USP14: variants seen among roughly 807,000 people sequenced by gnomAD.
USP14 encodes the protein ubiquitin specific peptidase 14.
USP14 carries 38 observed loss-of-function variants against 76.5 expected under a neutral mutation model. The observed-to-expected ratio is 0.50, with a 90% CI of 0.38 to 0.65. The LOEUF is 0.65. Ranked by LOEUF, USP14 falls within the 30% of genes least tolerant of loss-of-function variation. USP14 has a pLI of 0.00. For missense variants in USP14, 467 were observed against 586.5 expected (o/e 0.80, Z 2.10); for synonymous variants, 192 against 191.7 (o/e 1.00, Z -0.01).
intron 5 of USP14, among the ~76,000 whole-genome samples, chr18:185,860 A>AT (rs34807173): frequency 0.034 from 4,253 of 125,034 alleles, 229 homozygotes; most frequent in African/African-American, 0.11. Flanking sequence ...TGCCCAGCTG[A>AT]TTTTTTTTTT....
intron 3 of USP14, among the ~76,000 whole-genome samples, chr18:169,437 G>A (rs888399325): frequency 4.0e-5 from 6 of 150,002 alleles, no homozygotes; most frequent in Admixed American, 2.7e-4. Flanking sequence ...ATGAAAGACC[G>A]TTACATTTTG....
rs1910433881 is a variant in USP14 at position 203,328 on chromosome 18, ATTC to A, written c.1035+141_1035+143del. The A allele has an allele frequency of 5.2e-6, 4 of 765,224 alleles. No individual in the cohort carries two copies. The East Asian group carries it at 1.1e-4, about 21-fold the overall frequency. 47.4% of individuals were successfully genotyped at this position (765,224 alleles called of 1,614,324 possible). On this transcript the variant is annotated intron_variant, in intron 12 of 15. Transcript: ENST00000261601. ...TAGGGGAGCTAATATTAGACAAGTG[ATTC>A]TTAACTCAGAACGTATATTAGAATT...
chr18:158,709 A>G lies in USP14; in HGVS notation c.11A>G (p.Tyr4Cys), dbSNP rs1438276812. Residue 4 changes from tyrosine to cysteine, a missense_variant, in exon 1 of 16, where the codon TAC becomes TGC. By Grantham distance (194) the Tyr-to-Cys change is radical. Transcript: ENST00000261601. The part of the protein sequence containing the change: MPL[Y>C]SVTVKWGKEK... Reference sequence around the variant, plus strand: ...CCGCCGCGCCCCGCCATGCCGCTCTACTCCGGTGAGCCCTGTCCTGGCCTC... The same window carrying G: ...CCGCCGCGCCCCGCCATGCCGCTCTGCTCCGGTGAGCCCTGTCCTGGCCTC... The G allele has an allele frequency of 2.0e-6, 3 of 1,534,978 alleles. No homozygotes were observed. Among genetic ancestry groups the G allele is most frequent in the South Asian group, 1.2e-5 (1 of 83,514 alleles).
intron 5 of USP14, among the ~76,000 whole-genome samples, chr18:189,032 AT>A (rs2143040141): frequency 6.6e-6 from 1 of 151,800 alleles, no homozygotes; most frequent in South Asian, 2.1e-4. Flanking sequence ...TTGGTAATTT[AT>A]ATTTTCCTAC....
chr18:178,823 G>A, intron 3 of USP14, 110 bp from the exon 4 acceptor site: 1 of 729,660 alleles, frequency 1.4e-6, no homozygotes. Flanking sequence ...TACTTTTTTT[G>A]GCAAATAGAA....
chr18:200,625 A>G (rs962996570), intron 10 of USP14, among the ~76,000 whole-genome samples: 1 of 152,202 alleles, frequency 6.6e-6, no homozygotes, highest in African/African-American at 2.4e-5. Flanking sequence ...GCCCATGGAT[A>G]AAACATACGG....
chr18:180,419 C>A, intron 5 of USP14, 80 bp downstream of exon 5: 1 of 802,116 alleles, frequency 1.2e-6, no homozygotes, highest in Admixed American at 2.7e-5. Context: ...TCTTTAGCAT[C>A]TTAATTGAGA....
At position 213,016 on chromosome 18, in the gene USP14, A is replaced by C. The variant is rs1910715139; in HGVS notation, c.*1732A>C. 1 of 152,242 alleles carries C rather than the reference A, an allele frequency of 6.6e-6. No homozygotes were observed. Among genetic ancestry groups the C allele is most frequent in the Non-Finnish European group, 1.5e-5 (1 of 68,034 alleles). 9.4% of individuals were successfully genotyped at this position (152,242 alleles called of 1,614,324 possible). ...ATTGCAGGGAAACTTATTTGTAAAT[A>C]GCTTCCTCACCTAAACTTTGACTTG... is the stretch of plus-strand genomic sequence containing the variant. On this transcript the variant is annotated 3_prime_UTR_variant, in exon 16 of 16. Coordinates refer to ENST00000261601, the MANE Select transcript of USP14 (RefSeq NM_005151.4).
intron 3 of USP14, among the ~76,000 whole-genome samples, chr18:175,022 C>A (rs1909589411): frequency 6.6e-6 from 1 of 152,108 alleles, no homozygotes; most frequent in African/African-American, 2.4e-5. Flanking sequence ...ATCCTTCTGC[C>A]TTGAGCTCCC....
At chr18:166,720 T>C (rs531775906) in intron 2 of USP14, 67 bp from the exon 3 acceptor site, 1 of 1,442,672 alleles carries the variant, frequency 6.9e-7, no homozygotes, top group Non-Finnish European at 9.6e-7. Flanking sequence ...TTAAAATAAA[T>C]TGATTATTAG....
At chr18:197,793 A>T in intron 8 of USP14, 97 bp downstream of exon 8, 3 of 929,644 alleles carry the variant, frequency 3.2e-6, no homozygotes, top group Non-Finnish European at 4.8e-6. Flanking sequence ...GTTCCATCTT[A>T]TAGGTAGATG....
At chr18:172,879 C>G (rs1226991004) in intron 3 of USP14, among the ~76,000 whole-genome samples, 2 of 152,138 alleles carry the variant, frequency 1.3e-5, no homozygotes, top group Non-Finnish European at 2.9e-5. Flanking sequence ...TTCTCATGCT[C>G]TGGAACCCAA....
At chr18:187,438 C>T (rs1909960632) in intron 5 of USP14, among the ~76,000 whole-genome samples, 1 of 152,096 alleles carries the variant, frequency 6.6e-6, no homozygotes. Context: ...TTCAATACGC[C>T]TTTCTCCCTC....
At chr18:202,760 T>A in intron 10 of USP14, 120 bp from the exon 11 acceptor site, 1 of 827,214 alleles carries the variant, frequency 1.2e-6, no homozygotes, top group South Asian at 1.7e-5. Context: ...AACCCATTGA[T>A]GTACTGTATA....
At chr18:204,760 T>C in intron 13 of USP14, 68 bp downstream of exon 13, 1 of 1,553,994 alleles carries the variant, frequency 6.4e-7, no homozygotes, top group South Asian at 1.2e-5. Flanking sequence ...GCAATTACTC[T>C]GTCTTTTTTT....
intron 10 of USP14, 29 bp from the exon 11 acceptor site, chr18:202,851 G>A (rs924811800): frequency 1.1e-5 from 18 of 1,611,402 alleles, no homozygotes; most frequent in Non-Finnish European, 1.4e-5. Context: ...TAAAACTAAT[G>A]TTTGGTCTTC....
chr18:193,626 A>G (rs1416046337), intron 6 of USP14, among the ~76,000 whole-genome samples: 4 of 152,050 alleles, frequency 2.6e-5, no homozygotes, highest in Non-Finnish European at 5.9e-5. Context: ...CCATTTATCT[A>G]TGTGTTATTT....
At position 180,331 on chromosome 18, in the gene USP14, C is replaced by T. The variant is rs578203810; in HGVS notation, c.396C>T (p.Ala132=). The T allele has an allele frequency of 1.5e-5, 24 of 1,588,082 alleles. 1 individual carries two copies. The South Asian group carries it at 2.6e-4, about 17-fold the overall frequency. ...CIRSVPELKD[A]LKRYAGALRA... is the part of the protein sequence containing the mutation. ...GTTCTGTGCCTGAACTCAAAGATGC[C>T]CTTAAAAGGTAAGACTGCAGTCTTT... The change falls in exon 5 of 16, where the codon GCC becomes GCT. Residue 132 remains alanine (A), a synonymous_variant. Coordinates refer to ENST00000261601, the MANE Select transcript of USP14 (RefSeq NM_005151.4).
At chr18:177,722 A>G (rs749506768) in intron 3 of USP14, among the ~76,000 whole-genome samples, 7 of 151,408 alleles carry the variant, frequency 4.6e-5, no homozygotes, top group Non-Finnish European at 8.8e-5. Flanking sequence ...ACTGAGTAAG[A>G]GAGTAAGATG....
Sources: gnomAD v4.1 joint callset for allele counts (sites outside exome capture counted in the v4.1 genomes callset) on GRCh38, gnomAD v4.1.1 for gene constraint, MANE v1.5 for transcripts, NCBI Gene and HGNC (gene_info 2026-07-23, HGNC 2026-07-21) for gene names.